The following RAD51B variants were observed in gnomAD, a reference collection of about 807,000 sequenced individuals.
RAD51B encodes the protein RAD51 paralog B.
A neutral mutation model predicts 42.2 loss-of-function variants in RAD51B; 38 were observed. That is an observed-to-expected ratio of 0.90 (90% CI 0.70 to 1.18). RAD51B has a LOEUF of 1.18. Ranked by LOEUF, RAD51B falls within the 50% of genes most tolerant of loss-of-function variation. The pLI is 0.00. For missense variants in RAD51B, 373 were observed against 400.7 expected (o/e 0.93, Z 0.59); for synonymous variants, 154 against 145.2 (o/e 1.06, Z -0.43).
At chr14:68,373,492 C>T (rs2083301724) in intron 8 of RAD51B, among the ~76,000 whole-genome samples, 1 of 152,112 alleles carries the variant, frequency 6.6e-6, no homozygotes, top group Non-Finnish European at 1.5e-5. Context: ...AGCTGGAAAC[C>T]ATCATTCTCA....
At chr14:68,593,351 ATGGGCTCTC>A (rs1890842213) in intron 10 of RAD51B, among the ~76,000 whole-genome samples, 1 of 152,146 alleles carries the variant, frequency 6.6e-6, no homozygotes, top group South Asian at 2.1e-4. Context: ...CAGGCCCATG[ATGGGCTCTC>A]TGGTGGGCTC....
intron 7 of RAD51B, among the ~76,000 whole-genome samples, chr14:68,278,735 C>T (rs2081268496): frequency 6.6e-6 from 1 of 152,186 alleles, no homozygotes; most frequent in African/African-American, 2.4e-5. Flanking sequence ...CCTGAGCCTG[C>T]TGAGTCACTG....
chr14:68,091,054 G>T (rs2140517489), intron 7 of RAD51B, among the ~76,000 whole-genome samples: 1 of 152,048 alleles, frequency 6.6e-6, no homozygotes, highest in Middle Eastern at 3.4e-3. Context: ...TGGCTGCATA[G>T]TATTCCATGG....
intron 8 of RAD51B, among the ~76,000 whole-genome samples, chr14:68,367,465 A>C (rs1343233459): frequency 6.6e-6 from 1 of 152,192 alleles, no homozygotes; most frequent in Admixed American, 6.5e-5. Flanking sequence ...TTCAATGCCT[A>C]CTATATATCA....
chr14:68,468,019 A>G (rs1477730566), intron 9 of RAD51B, among the ~76,000 whole-genome samples, 153 bp from the exon 10 acceptor site: 1 of 152,214 alleles, frequency 6.6e-6, no homozygotes, highest in East Asian at 1.9e-4. Flanking sequence ...CACTCATTTA[A>G]ACATTGGGTT....
chr14:68,673,694 C>T (rs1202496617), intron 11 of RAD51B, among the ~76,000 whole-genome samples: 3 of 151,726 alleles, frequency 2.0e-5, no homozygotes, highest in Non-Finnish European at 4.4e-5. Context: ...TATGTGCACA[C>T]ACATACACAT....
chr14:68,023,346 CTTT>C (rs374110445), intron 7 of RAD51B, among the ~76,000 whole-genome samples: 1 of 151,392 alleles, frequency 6.6e-6, no homozygotes, highest in Non-Finnish European at 1.5e-5. Flanking sequence ...GGTATGTCTT[CTTT>C]TTTTTTGAGA....
At chr14:68,046,919 A>T (rs2076309568) in intron 7 of RAD51B, among the ~76,000 whole-genome samples, 1 of 151,356 alleles carries the variant, frequency 6.6e-6, no homozygotes, top group Admixed American at 6.6e-5. Context: ...TTTAAAAATG[A>T]TTGTAGGATC....
chr14:68,510,436 C>T (rs1023343914), intron 10 of RAD51B, among the ~76,000 whole-genome samples: 1 of 152,144 alleles, frequency 6.6e-6, no homozygotes, highest in African/African-American at 2.4e-5. Context: ...CTTCCTGAAG[C>T]GAAGTCACCC....
intron 8 of RAD51B, among the ~76,000 whole-genome samples, chr14:68,375,959 T>A (rs919159628): frequency 1.3e-5 from 2 of 151,988 alleles, no homozygotes; most frequent in Non-Finnish European, 2.9e-5. Context: ...ATATTCTATT[T>A]ATTAAGCTGG....
At chr14:68,287,538 T>G (rs2139648057) in intron 7 of RAD51B, among the ~76,000 whole-genome samples, 1 of 152,332 alleles carries the variant, frequency 6.6e-6, no homozygotes, top group South Asian at 2.1e-4. Context: ...AATATCTATC[T>G]TTTCCTTTGT....
At chr14:67,871,861 G>A (rs1054643287) in intron 5 of RAD51B, among the ~76,000 whole-genome samples, 94 of 152,290 alleles carry the variant, frequency 6.2e-4, no homozygotes, top group Non-Finnish European at 1.1e-3. Context: ...AATAGATGCA[G>A]AAGAGGCCTT....
intron 9 of RAD51B, among the ~76,000 whole-genome samples, chr14:68,426,018 T>TTCTTTCTTTCTTTCTC (rs2084837826): frequency 6.8e-6 from 1 of 148,134 alleles, no homozygotes; most frequent in Admixed American, 6.7e-5. Context: ...CTTTCTTTCT[T>TTCTTTCTTTCTTTCTC]TCTTTCTTTC....
intron 10 of RAD51B, among the ~76,000 whole-genome samples, chr14:68,605,518 G>GA (rs2140099919): frequency 6.6e-6 from 1 of 152,334 alleles, no homozygotes; most frequent in Non-Finnish European, 1.5e-5. Flanking sequence ...AGTTTAACAA[G>GA]AAGGGAAACT....
intron 10 of RAD51B, chr14:68,562,567 T>G: frequency 1.0e-6 from 1 of 985,416 alleles, no homozygotes. Context: ...TAACTCCTTT[T>G]GTGTACTGTG....
chr14:68,267,787 G>A (rs575705119), intron 7 of RAD51B, among the ~76,000 whole-genome samples: 2 of 152,196 alleles, frequency 1.3e-5, no homozygotes, highest in African/African-American at 2.4e-5. Flanking sequence ...ATCACTTTGT[G>A]TATGAATATC....
At chr14:68,266,418 G>A (rs1245029341) in intron 7 of RAD51B, among the ~76,000 whole-genome samples, 1 of 152,180 alleles carries the variant, frequency 6.6e-6, no homozygotes. Flanking sequence ...TCCAAGTATA[G>A]GGTAGGACCC....
chr14:68,098,894 G>A (rs1235345720), intron 7 of RAD51B, among the ~76,000 whole-genome samples: 7 of 152,220 alleles, frequency 4.6e-5, no homozygotes, highest in Non-Finnish European at 1.5e-5. Context: ...GTCCATGGCG[G>A]TGTTGCTGGG....
At chr14:68,088,728 G>T (rs1484286561) in intron 7 of RAD51B, among the ~76,000 whole-genome samples, 1 of 151,690 alleles carries the variant, frequency 6.6e-6, no homozygotes, top group Non-Finnish European at 1.5e-5. Flanking sequence ...TGGTGTCTGG[G>T]GTAATTGTGC....
Sources: gnomAD v4.1 joint callset for allele counts (sites outside exome capture counted in the v4.1 genomes callset) on GRCh38, gnomAD v4.1.1 for gene constraint, MANE v1.5 for transcripts, NCBI Gene and HGNC (gene_info 2026-07-23, HGNC 2026-07-21) for gene names.